SGCZ: variants seen among roughly 807,000 people sequenced by gnomAD.
SGCZ encodes sarcoglycan zeta.
In SGCZ, 40 loss-of-function variants were observed where a neutral mutation model predicts 41.3. That is an observed-to-expected ratio of 0.97 (90% CI 0.75 to 1.26). The LOEUF is 1.26. SGCZ is among the 50% of genes most tolerant of loss of function. SGCZ has a pLI of 0.00. For synonymous variants in SGCZ, 206 were observed against 137.5 expected (o/e 1.50, Z -3.49); for missense variants, 552 against 369.8 (o/e 1.49, Z -4.04).
At chr8:15,149,961 A>G (rs77373012) in intron 1 of SGCZ, among the ~76,000 whole-genome samples, 2,715 of 152,282 alleles carry the variant, frequency 0.018, 76 homozygotes, top group African/African-American at 0.059. Flanking sequence ...AGTCATTACA[A>G]ATAATTGTAT....
intron 1 of SGCZ, among the ~76,000 whole-genome samples, chr8:15,226,007 C>A (rs1344095041): frequency 6.6e-6 from 1 of 152,144 alleles, no homozygotes; most frequent in African/African-American, 2.4e-5. Context: ...CTAAACGCAG[C>A]TATGATGACT....
At chr8:15,108,908 T>A (rs1806938733) in intron 1 of SGCZ, among the ~76,000 whole-genome samples, 1 of 152,114 alleles carries the variant, frequency 6.6e-6, no homozygotes, top group African/African-American at 2.4e-5. Flanking sequence ...ATACAGGTTA[T>A]CCTCAGTTTC....
chr8:14,415,289 T>C (rs1799464688), intron 2 of SGCZ, among the ~76,000 whole-genome samples: 1 of 152,076 alleles, frequency 6.6e-6, no homozygotes, highest in Non-Finnish European at 1.5e-5. Context: ...ATACAAAAAT[T>C]GTTTATCACA....
chr8:14,643,166 G>A (rs1270559592), intron 1 of SGCZ, among the ~76,000 whole-genome samples: 2 of 151,614 alleles, frequency 1.3e-5, no homozygotes, highest in African/African-American at 4.8e-5. Context: ...GGGAAAAAGA[G>A]TGGAAAGCAA....
intron 2 of SGCZ, among the ~76,000 whole-genome samples, chr8:14,357,894 C>G (rs931146328): frequency 6.6e-6 from 1 of 152,172 alleles, no homozygotes; most frequent in Admixed American, 6.5e-5. Context: ...GACTAATAAT[C>G]AGCTAAATGC....
At chr8:14,360,111 T>A (rs559942118) in intron 2 of SGCZ, among the ~76,000 whole-genome samples, 21 of 152,028 alleles carry the variant, frequency 1.4e-4, no homozygotes, top group Non-Finnish European at 2.9e-4. Flanking sequence ...GAAACATGCA[T>A]CAACATAATA....
chr8:14,977,223 G>T (rs941552058), intron 1 of SGCZ, among the ~76,000 whole-genome samples: 5 of 152,114 alleles, frequency 3.3e-5, no homozygotes, highest in African/African-American at 4.8e-5. Context: ...TCACAGTGAA[G>T]CCTCCACCCC....
At chr8:15,083,267 G>A (rs1805820662) in intron 1 of SGCZ, among the ~76,000 whole-genome samples, 2 of 152,078 alleles carry the variant, frequency 1.3e-5, no homozygotes, top group Non-Finnish European at 2.9e-5. Flanking sequence ...TTTAATAAAA[G>A]TTAAAACAAA....
At chr8:14,307,129 A>G (rs1425716595) in intron 3 of SGCZ, among the ~76,000 whole-genome samples, 1 of 152,202 alleles carries the variant, frequency 6.6e-6, no homozygotes, top group Non-Finnish European at 1.5e-5. Context: ...AGTGATCATA[A>G]CAAGAGCATC....
chr8:14,349,115 C>G (rs142362874), intron 2 of SGCZ, among the ~76,000 whole-genome samples: 57 of 152,172 alleles, frequency 3.7e-4, no homozygotes, highest in African/African-American at 1.3e-3. Flanking sequence ...TCACTAATCT[C>G]AAATCTATTA....
chr8:14,145,703 A>T (rs1287029571), intron 5 of SGCZ, among the ~76,000 whole-genome samples: 1 of 152,234 alleles, frequency 6.6e-6, no homozygotes, highest in African/African-American at 2.4e-5. Context: ...AATTCAAGAT[A>T]ACACAGATAA....
chr8:14,299,847 A>G (rs1801128189), intron 3 of SGCZ, among the ~76,000 whole-genome samples: 1 of 148,980 alleles, frequency 6.7e-6, no homozygotes. Flanking sequence ...AAGAAAAAGA[A>G]TATAGTATCT....
chr8:14,977,661 A>G (rs1314459284), intron 1 of SGCZ, among the ~76,000 whole-genome samples: 1 of 152,176 alleles, frequency 6.6e-6, no homozygotes, highest in Non-Finnish European at 1.5e-5. Flanking sequence ...AGACTACACC[A>G]CAAGAACACC....
chr8:14,779,587 G>C (rs892592689), intron 1 of SGCZ, among the ~76,000 whole-genome samples: 2 of 152,162 alleles, frequency 1.3e-5, no homozygotes, highest in African/African-American at 2.4e-5. Context: ...AGCAGAAATA[G>C]ATATTCAATG....
intron 4 of SGCZ, among the ~76,000 whole-genome samples, chr8:14,202,881 T>G (rs2117074773): frequency 6.6e-6 from 1 of 152,312 alleles, no homozygotes; most frequent in South Asian, 2.1e-4. Context: ...CATCTTAAAT[T>G]ATAACTCCGA....
At chr8:14,161,876 A>G (rs909624481) in intron 5 of SGCZ, among the ~76,000 whole-genome samples, 5 of 152,172 alleles carry the variant, frequency 3.3e-5, no homozygotes, top group Non-Finnish European at 7.4e-5. Context: ...CATAAGTCAC[A>G]TGTACACATC....
At chr8:14,780,148 G>A (rs977663335) in intron 1 of SGCZ, among the ~76,000 whole-genome samples, 1 of 152,028 alleles carries the variant, frequency 6.6e-6, no homozygotes, top group South Asian at 2.1e-4. Flanking sequence ...CAGAGGCCGG[G>A]CGGATCACGA....
chr8:14,987,160 AT>A, intron 1 of SGCZ, among the ~76,000 whole-genome samples: 1 of 152,034 alleles, frequency 6.6e-6, no homozygotes, highest in South Asian at 2.1e-4. Flanking sequence ...TGATTCTGTG[AT>A]TTCTGAAGTT....
chr8:15,063,140 G>A (rs768877597), intron 1 of SGCZ, among the ~76,000 whole-genome samples: 40 of 151,966 alleles, frequency 2.6e-4, no homozygotes, highest in Admixed American at 3.3e-4. Context: ...GAAGTTCCAC[G>A]GTGCTATGTA....
Sources: gnomAD v4.1 joint callset for allele counts (sites outside exome capture counted in the v4.1 genomes callset) on GRCh38, gnomAD v4.1.1 for gene constraint, MANE v1.5 for transcripts, NCBI Gene and HGNC (gene_info 2026-07-23, HGNC 2026-07-21) for gene names.